The following LRPAP1 variants were observed in gnomAD, a reference collection of about 807,000 sequenced individuals.
LRPAP1 encodes LDL receptor related protein associated protein 1.
A neutral mutation model predicts 39.9 loss-of-function variants in LRPAP1; 41 were observed. The ratio of observed to expected loss-of-function variants is 1.03; its 90% CI spans 0.80 to 1.33. The LOEUF (loss-of-function observed/expected upper bound fraction) is 1.33, where lower values mean the gene tolerates loss of function less well. Among genes scored for constraint, LRPAP1 ranks in the 40% most tolerant of loss-of-function variants. The pLI is 0.00. For synonymous variants in LRPAP1, 263 were observed against 212.7 expected (o/e 1.24, Z -2.06); for missense variants, 565 against 482.3 (o/e 1.17, Z -1.61).
chr4:3,522,504 A>G (rs979482833), intron 2 of LRPAP1, among the ~76,000 whole-genome samples: 1 of 145,192 alleles, frequency 6.9e-6, no homozygotes, highest in Non-Finnish European at 1.5e-5. Context: ...ACGGCCCCAC[A>G]CTCCCTGCCT....
rs935760840 is a variant in LRPAP1, at chr4:3,507,665, C to G, written c.*5309G>C. On this transcript the variant is annotated 3_prime_UTR_variant, in exon 8 of 8. Coordinates refer to ENST00000650182, the MANE Select transcript of LRPAP1 (RefSeq NM_002337.4). Reference sequence around the variant, plus strand: ...TGATCTAAGCCTCTATCAAAAGAACCTAAAACAAGGACAGCAAATTGAACA... The same window carrying G: ...TGATCTAAGCCTCTATCAAAAGAACGTAAAACAAGGACAGCAAATTGAACA... The G allele has an allele frequency of 6.6e-6, 1 of 151,584 alleles. No homozygotes were observed. The highest frequency in any genetic ancestry group is 2.4e-5 in the African/African-American group (1 of 41,202). 9.4% of individuals were successfully genotyped at this position (151,584 alleles called of 1,614,324 possible).
chr4:3,514,115 G>A (rs552601749), intron 7 of LRPAP1, among the ~76,000 whole-genome samples: 97 of 152,390 alleles, frequency 6.4e-4, no homozygotes, highest in African/African-American at 2.3e-3. Flanking sequence ...AAGGGCCACA[G>A]GCTGCTCTCC....
intron 2 of LRPAP1, among the ~76,000 whole-genome samples, chr4:3,520,878 A>AG (rs950256768): frequency 2.6e-5 from 4 of 152,112 alleles, no homozygotes; most frequent in African/African-American, 9.7e-5. Context: ...CCGCTTCCCT[A>AG]GGGGGGACTC....
chr4:3,525,129 G>A lies in LRPAP1; in HGVS notation c.205-78C>T. The A allele has an allele frequency of 2.6e-6, 4 of 1,560,890 alleles. No individual in the cohort carries two copies. The East Asian group carries it at 6.8e-5, about 26-fold the overall frequency. On this transcript the variant is annotated intron_variant, in intron 1 of 7. Transcript: ENST00000650182. ...CAGCGAGAAACTGACCTCGGAGGAG[G>A]CTGGCCACCGGGAGGTTCTGGGAGA...
At position 3,512,765 on chromosome 4, in the gene LRPAP1, C is replaced by G. The variant is rs1729568475; in HGVS notation, c.*209G>C. 1 of 580,872 alleles carries G rather than the reference C, an allele frequency of 1.7e-6. No individual in the cohort carries two copies. The highest frequency in any genetic ancestry group is 3.1e-6 in the Non-Finnish European group (1 of 325,352). 36.0% of individuals were successfully genotyped at this position (580,872 alleles called of 1,614,324 possible). ...GGAAGCCAAGCCCCTTCAGTCAGAGCTGGGCCGATCTCAGACCCAAATGCT... is the reference window on the plus strand; with the variant it reads ...GGAAGCCAAGCCCCTTCAGTCAGAGGTGGGCCGATCTCAGACCCAAATGCT... On this transcript the variant is annotated 3_prime_UTR_variant, in exon 8 of 8. Coordinates refer to ENST00000650182, the MANE Select transcript of LRPAP1 (RefSeq NM_002337.4).
rs1158857208 is a variant in LRPAP1 at position 3,518,870 on chromosome 4, C to G, written c.592+1G>C. 1 of 1,585,856 alleles carries G rather than the reference C, an allele frequency of 6.3e-7. No individual in the cohort carries two copies. The highest frequency in any genetic ancestry group is 8.6e-7 in the Non-Finnish European group (1 of 1,166,926). On this transcript the variant is annotated splice_donor_variant, in intron 4 of 7. Transcript: ENST00000650182. LOFTEE classifies it high-confidence loss of function. ...CAGGAGGGGGTGGGGGCGGGGGGCA[C>G]CTTCGGTCCTGCTCAGGGTCTCCAG...
chr4:3,510,059 A>C lies in LRPAP1; in HGVS notation c.*2915T>G, dbSNP rs947433961. 1.3e-5 allele frequency: 2 copies of C among 152,230 alleles called. No homozygotes were observed. Among genetic ancestry groups the C allele is most frequent in the Non-Finnish European group, 2.9e-5 (2 of 68,044 alleles). 9.4% of individuals were successfully genotyped at this position (152,230 alleles called of 1,614,324 possible). A position where few individuals can be genotyped will look rare whatever the true frequency, so the allele number is the denominator to read the frequency against. On this transcript the variant is annotated 3_prime_UTR_variant, in exon 8 of 8. Coordinates refer to ENST00000650182, the MANE Select transcript of LRPAP1 (RefSeq NM_002337.4). ...ACCAAGGACATAAACAGCCACAAGA[A>C]TCTTTAAAAAGAAGAGTTGGAAAAT...
At chr4:3,518,694 C>T (rs1729808120) in intron 4 of LRPAP1, among the ~76,000 whole-genome samples, 177 bp downstream of exon 4, 1 of 152,016 alleles carries the variant, frequency 6.6e-6, no homozygotes, top group Non-Finnish European at 1.5e-5. Flanking sequence ...CAGCAACCTC[C>T]CCACTCACAA....
intron 3 of LRPAP1, 30 bp from the exon 4 acceptor site, chr4:3,519,021 C>G (rs1681476785): frequency 6.2e-7 from 1 of 1,607,414 alleles, no homozygotes; most frequent in African/African-American, 1.3e-5. Flanking sequence ...TGGAGTGAAC[C>G]CGCCGCGGGC....
intron 1 of LRPAP1, among the ~76,000 whole-genome samples, chr4:3,527,738 T>G (rs1730123235): frequency 6.6e-6 from 1 of 152,154 alleles, no homozygotes; most frequent in African/African-American, 2.4e-5. Context: ...GGCTGCCTGC[T>G]GGAAAGCGGA....
intron 2 of LRPAP1, 73 bp downstream of exon 2, chr4:3,524,834 T>C: frequency 6.5e-7 from 1 of 1,548,386 alleles, no homozygotes; most frequent in South Asian, 1.1e-5. Context: ...AAATCCGACA[T>C]CCAAAACACT....
chr4:3,519,927 G>A (rs977934394), intron 3 of LRPAP1, 145 bp downstream of exon 3: 2 of 852,044 alleles, frequency 2.3e-6, no homozygotes, highest in Non-Finnish European at 3.6e-6. Context: ...ACAGTGGAAT[G>A]GCTTCCTTAG....
At chr4:3,516,697 A>G (rs1283007137) in intron 5 of LRPAP1, among the ~76,000 whole-genome samples, 1 of 152,212 alleles carries the variant, frequency 6.6e-6, no homozygotes, top group African/African-American at 2.4e-5. Context: ...GGAGCCAAAC[A>G]AACCAAGACG....
In LRPAP1 at chr4:3,518,131, G is replaced by A. The variant is rs1248270680; in HGVS notation, c.654C>T (p.His218=). The A allele has an allele frequency of 6.2e-7, 1 of 1,613,700 alleles. No individual in the cohort carries two copies. The highest frequency in any genetic ancestry group is 1.1e-5 in the South Asian group (1 of 91,074). The change falls in exon 5 of 8, where the codon CAC becomes CAT. Residue 218 remains histidine (H), a synonymous_variant. Coordinates refer to ENST00000650182, the MANE Select transcript of LRPAP1 (RefSeq NM_002337.4). ...DLSDIKGSVL[H]SRHTELKEKL... ...TCTCCTTCAGCTCCGTGTGCCTGCT[G>A]TGCAGGACGCTGCCCTTGATGTCGC...
At position 3,509,907 on chromosome 4, in the gene LRPAP1, C is replaced by T. The variant is rs1560249313; in HGVS notation, c.*3067G>A. 1 of 152,264 alleles carries T rather than the reference C, an allele frequency of 6.6e-6. No homozygotes were observed. The highest frequency in any genetic ancestry group is 1.5e-5 in the Non-Finnish European group (1 of 68,058). 9.4% of individuals were successfully genotyped at this position (152,264 alleles called of 1,614,324 possible). The stretch of plus-strand genomic sequence containing the variant: ...AGACTGTTAAGACACCGATTCTTCC[C>T]AACATGTATTCAAGACATTCAGAAA... On this transcript the variant is annotated 3_prime_UTR_variant, in exon 8 of 8. Transcript: ENST00000650182.
chr4:3,515,875 C>T (rs932703642), intron 6 of LRPAP1: 8 of 566,898 alleles, frequency 1.4e-5, no homozygotes, highest in Admixed American at 6.2e-5. Flanking sequence ...CACGCTCAGA[C>T]GTGAACACGG....
chr4:3,518,047 G>C lies in LRPAP1; in HGVS notation c.738C>G (p.Tyr246Ter). The change falls in exon 5 of 8, where the codon TAC becomes TAG. Residue 246 changes from tyrosine (Y) to a stop codon, truncating the protein, a stop_gained. Coordinates refer to ENST00000650182, the MANE Select transcript of LRPAP1 (RefSeq NM_002337.4). LOFTEE classifies it high-confidence loss of function. ...GCGGGCACTCACCAGCCTCAGTGCTGTAGCCCTGGTGGCTGACCCTGCGCA... is the reference window on the plus strand; with the variant it reads ...GCGGGCACTCACCAGCCTCAGTGCTCTAGCCCTGGTGGCTGACCCTGCGCA... The part of the protein sequence containing the change: ...DRLRRVSHQG[Y>*]STEAEFEEPR... The C allele has an allele frequency of 1.2e-6, 2 of 1,610,002 alleles. No individual in the cohort carries two copies. The highest frequency in any genetic ancestry group is 1.7e-6 in the Non-Finnish European group (2 of 1,179,362).
At chr4:3,516,283 T>A in intron 5 of LRPAP1, 85 bp from the exon 6 acceptor site, 5 of 1,063,200 alleles carry the variant, frequency 4.7e-6, no homozygotes, top group Non-Finnish European at 5.5e-6. Flanking sequence ...TGAGTGTGCG[T>A]GGAGCCTATG....
chr4:3,531,973 C>G, intron 1 of LRPAP1: 1 of 575,476 alleles, frequency 1.7e-6, no homozygotes, highest in Non-Finnish European at 3.0e-6. Context: ...CTCGGGGTGC[C>G]GGCCGCCACC....
Sources: gnomAD v4.1 joint callset for allele counts (sites outside exome capture counted in the v4.1 genomes callset) on GRCh38, gnomAD v4.1.1 for gene constraint, MANE v1.5 for transcripts, NCBI Gene and HGNC (gene_info 2026-07-23, HGNC 2026-07-21) for gene names.